KAZN: variants seen among roughly 807,000 people sequenced by gnomAD.
KAZN encodes the protein kazrin, periplakin interacting protein.
Under a neutral mutation model 87.4 loss-of-function variants are expected in KAZN, and 40 were observed. The observed-to-expected ratio is 0.46, with a 90% CI of 0.36 to 0.60. KAZN has a LOEUF of 0.60. Among genes scored for constraint, KAZN ranks in the 20% least tolerant of loss-of-function variants. The pLI, the probability that KAZN is intolerant of heterozygous loss-of-function variation, is 0.00. For missense variants in KAZN, 898 were observed against 1,073.9 expected (o/e 0.84, Z 2.29); for synonymous variants, 466 against 458.3 (o/e 1.02, Z -0.22).
chr1:14,041,086 G>A lies in KAZN; in HGVS notation c.92-139349G>A, dbSNP rs535295183. 2.0e-5 allele frequency among the ~76,000 whole-genome samples: 3 copies of A among 152,228 alleles called. No homozygotes were observed. The South Asian group carries it at 6.2e-4, about 32-fold the overall frequency. On this transcript the variant is annotated intron_variant, in intron 1 of 16. Transcript: ENST00000636203. Reference sequence around the variant, plus strand: ...ACTTTGCTCCTCAGAAGCAACCACCGCTGAATTCTTTTAGCTGTTTCTTCT... The same window carrying A: ...ACTTTGCTCCTCAGAAGCAACCACCACTGAATTCTTTTAGCTGTTTCTTCT...
At chr1:14,116,767 G>A (rs149351930) in intron 1 of KAZN, among the ~76,000 whole-genome samples, 1 of 152,358 alleles carries the variant, frequency 6.6e-6, no homozygotes, top group African/African-American at 2.4e-5. Context: ...ATGCCAGCCT[G>A]TGAAAGCAGC....
At chr1:14,390,415 C>T (rs569765613) in intron 2 of KAZN, among the ~76,000 whole-genome samples, 114 of 152,288 alleles carry the variant, frequency 7.5e-4, no homozygotes, top group African/African-American at 2.5e-3. Context: ...TAAAATGTTG[C>T]ATAGGGAAGC....
At chr1:14,921,340 G>A (rs1435920802) in intron 1 of KAZN, among the ~76,000 whole-genome samples, 1 of 152,182 alleles carries the variant, frequency 6.6e-6, no homozygotes, top group Non-Finnish European at 1.5e-5. Context: ...GACGGTAGCG[G>A]TGAAATGGTC....
At chr1:14,815,413 C>T (rs1289869085) in intron 1 of KAZN, among the ~76,000 whole-genome samples, 6 of 152,100 alleles carry the variant, frequency 3.9e-5, no homozygotes, top group Non-Finnish European at 4.4e-5. Context: ...TCCAGTGCAG[C>T]GTCACCTGTG....
At chr1:14,002,254 T>C (rs1557775007) in intron 1 of KAZN, among the ~76,000 whole-genome samples, 2 of 152,136 alleles carry the variant, frequency 1.3e-5, no homozygotes, top group African/African-American at 2.4e-5. Flanking sequence ...GAAAAAAAGC[T>C]CAACATCACT....
chr1:14,282,129 C>T (rs1652886118), intron 2 of KAZN, among the ~76,000 whole-genome samples: 1 of 152,154 alleles, frequency 6.6e-6, no homozygotes, highest in Non-Finnish European at 1.5e-5. Flanking sequence ...TATTTGACAT[C>T]TTTACCTTCT....
intron 1 of KAZN, among the ~76,000 whole-genome samples, chr1:14,905,935 A>G (rs1276427627): frequency 7.4e-6 from 1 of 134,518 alleles, no homozygotes; most frequent in Admixed American, 7.5e-5. Context: ...TTGGGAGGCC[A>G]AGGAGGGCGG....
chr1:15,083,020 G>A (rs1347245580), intron 8 of KAZN, among the ~76,000 whole-genome samples: 1 of 152,146 alleles, frequency 6.6e-6, no homozygotes, highest in Non-Finnish European at 1.5e-5. Context: ...CTAAGTCCCA[G>A]CCCTACTGCA....
intron 1 of KAZN, among the ~76,000 whole-genome samples, chr1:13,978,223 G>C (rs1050960090): frequency 1.3e-5 from 2 of 151,384 alleles, no homozygotes; most frequent in Non-Finnish European, 2.9e-5. Context: ...TGAAGCAGTT[G>C]CTAGAAGACT....
intron 2 of KAZN, among the ~76,000 whole-genome samples, chr1:14,565,348 C>A (rs936443117): frequency 3.3e-5 from 5 of 151,992 alleles, no homozygotes; most frequent in Non-Finnish European, 7.4e-5. Flanking sequence ...ATTCAGTGTG[C>A]AATCGCGTAT....
At chr1:13,979,092 T>A (rs1638526322) in intron 1 of KAZN, among the ~76,000 whole-genome samples, 1 of 147,684 alleles carries the variant, frequency 6.8e-6, no homozygotes, top group African/African-American at 2.5e-5. Flanking sequence ...TGAAATCCAG[T>A]CTCAAGAAAA....
At chr1:14,401,166 T>C (rs1663376117) in intron 2 of KAZN, among the ~76,000 whole-genome samples, 1 of 152,204 alleles carries the variant, frequency 6.6e-6, no homozygotes, top group East Asian at 1.9e-4. Flanking sequence ...CTTGAGTGAT[T>C]TTAAATTCCC....
At chr1:14,142,108 C>CTTT (rs35138469) in intron 1 of KAZN, among the ~76,000 whole-genome samples, 27 of 128,962 alleles carry the variant, frequency 2.1e-4, no homozygotes, top group Admixed American at 4.8e-4. Flanking sequence ...CCCTCCTTCC[C>CTTT]TTTTTTTTTT....
At chr1:14,844,620 G>A (rs746613254) in intron 1 of KAZN, among the ~76,000 whole-genome samples, 4 of 152,216 alleles carry the variant, frequency 2.6e-5, no homozygotes, top group Admixed American at 1.3e-4. Context: ...GTGAGCTTTT[G>A]TAGGATATAT....
At chr1:14,241,366 G>T (rs971825966) in intron 2 of KAZN, among the ~76,000 whole-genome samples, 1 of 152,154 alleles carries the variant, frequency 6.6e-6, no homozygotes, top group Non-Finnish European at 1.5e-5. Context: ...GCACTGGAAG[G>T]TCTGACTCTC....
intron 2 of KAZN, among the ~76,000 whole-genome samples, chr1:14,201,457 A>G (rs1277898277): frequency 6.6e-6 from 1 of 152,200 alleles, no homozygotes; most frequent in Non-Finnish European, 1.5e-5. Flanking sequence ...GCCCCGGAGC[A>G]GCTGGTGGAG....
At chr1:15,103,005 A>G (rs1641134592) in intron 11 of KAZN, among the ~76,000 whole-genome samples, 1 of 152,230 alleles carries the variant, frequency 6.6e-6, no homozygotes, top group Non-Finnish European at 1.5e-5. Flanking sequence ...TCACGCCTGT[A>G]ATCCCAGCAC....
intron 1 of KAZN, among the ~76,000 whole-genome samples, chr1:14,778,818 G>A (rs72636659): frequency 0.071 from 10,827 of 152,156 alleles, 449 homozygotes; most frequent in African/African-American, 0.11. Context: ...CAAGAATTCT[G>A]GTAAAGCTGG....
At chr1:14,804,630 C>T (rs549915239) in intron 1 of KAZN, among the ~76,000 whole-genome samples, 1 of 152,370 alleles carries the variant, frequency 6.6e-6, no homozygotes, top group South Asian at 2.1e-4. Flanking sequence ...ACCCAATCCT[C>T]AGCTTTGCAA....
Sources: gnomAD v4.1 joint callset for allele counts (sites outside exome capture counted in the v4.1 genomes callset) on GRCh38, gnomAD v4.1.1 for gene constraint, MANE v1.5 for transcripts, NCBI Gene and HGNC (gene_info 2026-07-23, HGNC 2026-07-21) for gene names.